Variants in NLGN1 observed in about 807,000 individuals in gnomAD.
NLGN1 encodes neuroligin-1.
NLGN1 carries 12 observed loss-of-function variants against 65.5 expected under a neutral mutation model. The ratio of observed to expected loss-of-function variants is 0.18; its 90% CI spans 0.12 to 0.30. NLGN1 has a LOEUF of 0.30. NLGN1 is among the 10% of genes least tolerant of loss of function. The pLI, the probability that NLGN1 is intolerant of heterozygous loss-of-function variation, is 1.00. For missense variants in NLGN1, 750 were observed against 1,007.1 expected, an observed-to-expected ratio of 0.74 and a Z score of 3.46; for synonymous variants, 350 against 359.5, an observed-to-expected ratio of 0.97 and a Z score of 0.30.
chr3:173,498,372 A>G (rs1197702125), intron 2 of NLGN1, among the ~76,000 whole-genome samples: 1 of 151,772 alleles, frequency 6.6e-6, no homozygotes, highest in Non-Finnish European at 1.5e-5. Context: ...TGTCCCTACA[A>G]AGGACATGAA....
At chr3:173,541,760 T>A (rs1479760851) in intron 2 of NLGN1, among the ~76,000 whole-genome samples, 2 of 152,128 alleles carry the variant, frequency 1.3e-5, no homozygotes, top group Admixed American at 1.3e-4. Flanking sequence ...TTATTTGTTT[T>A]TATACATCTA....
chr3:173,665,951 T>A (rs1761635832), intron 3 of NLGN1, among the ~76,000 whole-genome samples: 1 of 152,176 alleles, frequency 6.6e-6, no homozygotes, highest in Non-Finnish European at 1.5e-5. Flanking sequence ...ATTTTCTTTA[T>A]ATGCCTGACA....
chr3:174,124,705 T>C (rs1477294435), intron 4 of NLGN1, among the ~76,000 whole-genome samples: 1 of 149,144 alleles, frequency 6.7e-6, no homozygotes, highest in African/African-American at 2.4e-5. Flanking sequence ...TTATAGTATA[T>C]ACTTATATAT....
chr3:173,897,724 C>T (rs570478265), intron 4 of NLGN1, among the ~76,000 whole-genome samples: 1 of 152,202 alleles, frequency 6.6e-6, no homozygotes, highest in Non-Finnish European at 1.5e-5. Flanking sequence ...CAATAGATAT[C>T]TTATAAGAGG....
At chr3:173,675,984 T>G (rs1011981066) in intron 3 of NLGN1, among the ~76,000 whole-genome samples, 1 of 151,922 alleles carries the variant, frequency 6.6e-6, no homozygotes, top group Admixed American at 6.6e-5. Flanking sequence ...AATGTTAATA[T>G]GCTGGTTATG....
At chr3:174,216,848 T>A (rs1737707242) in intron 4 of NLGN1, among the ~76,000 whole-genome samples, 1 of 152,038 alleles carries the variant, frequency 6.6e-6, no homozygotes, top group Admixed American at 6.6e-5. Flanking sequence ...GTTACCTGAG[T>A]CACATCATTA....
chr3:173,805,621 A>T (rs2150435347), intron 3 of NLGN1, among the ~76,000 whole-genome samples: 1 of 152,282 alleles, frequency 6.6e-6, no homozygotes, highest in Non-Finnish European at 1.5e-5. Context: ...AGATTTCATT[A>T]CTGTTCACAG....
chr3:173,807,105 C>T (rs1429621756), intron 3 of NLGN1, among the ~76,000 whole-genome samples: 2 of 152,134 alleles, frequency 1.3e-5, no homozygotes, highest in Non-Finnish European at 2.9e-5. Context: ...CGTGCCTAAA[C>T]ATTCATCTGA....
chr3:174,047,337 A>T (rs1410555572), intron 4 of NLGN1, among the ~76,000 whole-genome samples: 1 of 152,028 alleles, frequency 6.6e-6, no homozygotes, highest in Non-Finnish European at 1.5e-5. Flanking sequence ...TTACATATCT[A>T]TTCTACCTAA....
exon 2 of NLGN1, chr3:173,435,011 C>G (rs555988691): frequency 6.6e-6 from 1 of 152,624 alleles, no homozygotes; most frequent in Non-Finnish European, 1.5e-5. Context: ...GAGGAGCAGA[C>G]CTGTGAAGCT....
chr3:174,292,398 G>A, the NLGN1 span, among the ~76,000 whole-genome samples: 2 of 151,292 alleles, frequency 1.3e-5, no homozygotes, highest in African/African-American at 4.8e-5. Context: ...CTAAAGGACA[G>A]AGGAACCAAT....
chr3:173,567,478 G>A (rs931577867), intron 2 of NLGN1, among the ~76,000 whole-genome samples: 6 of 151,288 alleles, frequency 4.0e-5, no homozygotes, highest in African/African-American at 1.2e-4. Flanking sequence ...AAAAAATAAC[G>A]TTTAATTTTT....
rs141033259 is a variant in NLGN1 at position 174,010,071 on chromosome 3, C to T, written c.646+202239C>T. On this transcript the variant is annotated intron_variant, in intron 4 of 6. Coordinates refer to ENST00000457714, the Ensembl canonical transcript of NLGN1. ...AAGTCAACACAGAGCTACTTCCCTT[C>T]TAAATCAATATTGACTTTTGAATGG... 7.2e-3 allele frequency among the ~76,000 whole-genome samples: 1,094 copies of T among 152,232 alleles called. 4 individuals are homozygous for T. Among genetic ancestry groups the T allele is most frequent in the Non-Finnish European group, 0.011 (759 of 68,002 alleles).
chr3:173,471,368 T>C (rs1725289248), intron 2 of NLGN1, among the ~76,000 whole-genome samples: 1 of 152,144 alleles, frequency 6.6e-6, no homozygotes, highest in African/African-American at 2.4e-5. Flanking sequence ...ATTCCTTGCC[T>C]TTCTTTCAGC....
At chr3:174,290,307 C>A (rs914123929), downstream of NLGN1, among the ~76,000 whole-genome samples, 3 of 150,614 alleles carry the variant, frequency 2.0e-5, no homozygotes, top group South Asian at 6.3e-4. Context: ...TAACATTGAA[C>A]CCATAAACAG....
At chr3:173,969,579 G>T (rs868016320) in intron 4 of NLGN1, among the ~76,000 whole-genome samples, 1 of 152,064 alleles carries the variant, frequency 6.6e-6, no homozygotes, top group Non-Finnish European at 1.5e-5. Context: ...CCATTGAGAA[G>T]TCTATCTCAA....
chr3:174,108,002 T>A (rs965786837), intron 4 of NLGN1, among the ~76,000 whole-genome samples: 46 of 152,182 alleles, frequency 3.0e-4, no homozygotes, highest in African/African-American at 1.1e-3. Context: ...TACTGTTGAG[T>A]TTTTAAGTTC....
intron 2 of NLGN1, among the ~76,000 whole-genome samples, chr3:173,493,256 T>A (rs1729472965): frequency 6.6e-6 from 1 of 151,818 alleles, no homozygotes; most frequent in Non-Finnish European, 1.5e-5. Flanking sequence ...CAGGCGTGTT[T>A]ATGAGATATG....
chr3:174,247,134 C>T lies in NLGN1; in HGVS notation c.647-28181C>T, dbSNP rs1034061698. Among the ~76,000 whole-genome samples, 3 of 152,200 alleles carry T rather than the reference C, an allele frequency of 2.0e-5. No homozygotes were observed. In the South Asian group the frequency reaches 6.2e-4, roughly 31 times the overall value. On this transcript the variant is annotated intron_variant, in intron 4 of 6. Coordinates refer to ENST00000457714, the Ensembl canonical transcript of NLGN1. ...ATCTTAGGAAAGACTGTGCATGCCT[C>T]TTCACAATGCCAATAACATTTTTGA...
Sources: allele counts gnomAD v4.1 joint callset (sites outside exome capture counted in the v4.1 genomes callset), GRCh38; gene constraint gnomAD v4.1.1; transcripts MANE v1.5; gene names NCBI Gene and HGNC (gene_info 2026-07-23, HGNC 2026-07-21).